Variants in MAST4 observed in about 807,000 individuals in gnomAD.
MAST4 encodes the protein microtubule associated serine/threonine kinase family member 4, also known as microtubule-associated serine/threonine-protein kinase 4.
Under a neutral mutation model 162.7 loss-of-function variants are expected in MAST4, and 89 were observed. The ratio of observed to expected loss-of-function variants is 0.55; its 90% CI spans 0.46 to 0.65. The LOEUF (loss-of-function observed/expected upper bound fraction) is 0.65. Ranked by LOEUF, MAST4 falls within the 30% of genes least tolerant of loss-of-function variation. The probability of loss-of-function intolerance (pLI) is 0.00; values close to 1 mark genes in which losing one functional copy is unlikely to be tolerated. For missense variants in MAST4, 3,153 were observed against 3,374.0 expected, an observed-to-expected ratio of 0.93 and a Z score of 1.62; for synonymous variants, 1,479 against 1,361.1, an observed-to-expected ratio of 1.09 and a Z score of -1.91.
At chr5:66,920,179 AC>A (rs1358914288) in intron 4 of MAST4, among the ~76,000 whole-genome samples, 4 of 152,162 alleles carry the variant, frequency 2.6e-5, no homozygotes, top group African/African-American at 9.7e-5. Flanking sequence ...TTCAGAGGTG[AC>A]AAATGATACA....
chr5:66,884,799 T>C (rs1304876960), intron 3 of MAST4, among the ~76,000 whole-genome samples: 1 of 152,234 alleles, frequency 6.6e-6, no homozygotes, highest in African/African-American at 2.4e-5. Context: ...ATATTACCTT[T>C]CTTTCCATGT....
chr5:66,609,208 A>G (rs978330899), intron 1 of MAST4, among the ~76,000 whole-genome samples: 2 of 151,978 alleles, frequency 1.3e-5, no homozygotes, highest in African/African-American at 4.8e-5. Flanking sequence ...TCCTAGACCA[A>G]CTACTTCTGA....
rs985685618 is a variant in MAST4, at chr5:67,051,692, G to GAT, written c.675-2703_675-2702dup. On this transcript the variant is annotated intron_variant, in intron 4 of 28. Transcript: ENST00000403625. ...GGTCCTAGGATTTTAAAAGTATTTAGATATATATATCAAGATATAGGTATT... is the reference window on the plus strand; with the variant it reads ...GGTCCTAGGATTTTAAAAGTATTTAGATATATATATATCAAGATATAGGTATT... 2.6e-5 allele frequency among the ~76,000 whole-genome samples: 4 copies of GAT among 152,110 alleles called. No individual in the cohort carries two copies. The South Asian group carries it at 6.2e-4, about 24-fold the overall frequency.
chr5:67,076,088 T>G (rs1268126572), intron 5 of MAST4, among the ~76,000 whole-genome samples: 3 of 152,124 alleles, frequency 2.0e-5, no homozygotes, highest in Non-Finnish European at 4.4e-5. Flanking sequence ...CAATGACCTC[T>G]TTCTGGGAAA....
At chr5:66,681,972 T>C (rs1748360226) in intron 1 of MAST4, among the ~76,000 whole-genome samples, 1 of 152,196 alleles carries the variant, frequency 6.6e-6, no homozygotes, top group African/African-American at 2.4e-5. Context: ...GACTGGTTAC[T>C]CCAGAGAAGG....
At chr5:66,988,150 G>T (rs868430139) in intron 4 of MAST4, among the ~76,000 whole-genome samples, 64 of 152,122 alleles carry the variant, frequency 4.2e-4, no homozygotes, top group African/African-American at 1.4e-3. Flanking sequence ...GTATACTTCA[G>T]CCACTAGAGG....
At chr5:67,022,367 C>T (rs1007922709) in intron 4 of MAST4, among the ~76,000 whole-genome samples, 4 of 150,926 alleles carry the variant, frequency 2.7e-5, no homozygotes, top group African/African-American at 7.3e-5. Flanking sequence ...TTGCATGGTA[C>T]ATTATTGCTA....
chr5:66,798,606 A>G (rs573527989), intron 3 of MAST4, among the ~76,000 whole-genome samples: 4 of 152,344 alleles, frequency 2.6e-5, no homozygotes, highest in Admixed American at 6.5e-5. Context: ...TTGAAGGTAC[A>G]TTACTGTTTT....
chr5:66,714,630 C>A (rs1183985929), intron 1 of MAST4, among the ~76,000 whole-genome samples: 1 of 152,252 alleles, frequency 6.6e-6, no homozygotes, highest in Non-Finnish European at 1.5e-5. Context: ...GAATTCCTTG[C>A]ATTTTCTTAA....
chr5:66,910,741 C>CTTTGTTTTTTTTTTT (rs1763690763), intron 4 of MAST4, among the ~76,000 whole-genome samples: 115 of 20,096 alleles, frequency 5.7e-3, no homozygotes, highest in South Asian at 0.011. Context: ...TTTTTTTTTT[C>CTTTGTTTTTTTTTTT]TTTTTTTTTT....
chr5:66,771,809 A>C (rs1754372241), intron 2 of MAST4, among the ~76,000 whole-genome samples: 1 of 150,596 alleles, frequency 6.6e-6, no homozygotes, highest in Non-Finnish European at 1.5e-5. Flanking sequence ...GATGAGGCGT[A>C]ATCATATTCC....
At chr5:66,846,110 G>A (rs1758836020) in intron 3 of MAST4, among the ~76,000 whole-genome samples, 1 of 152,160 alleles carries the variant, frequency 6.6e-6, no homozygotes, top group Non-Finnish European at 1.5e-5. Context: ...GAATTAATAA[G>A]TGACAGAGTC....
chr5:67,062,108 A>G (rs1331749597), intron 5 of MAST4, among the ~76,000 whole-genome samples: 1 of 152,182 alleles, frequency 6.6e-6, no homozygotes, highest in Admixed American at 6.5e-5. Flanking sequence ...TTCTCTTTAT[A>G]AGATGAGGCT....
At chr5:66,626,892 T>C (rs1341644307) in intron 1 of MAST4, among the ~76,000 whole-genome samples, 3 of 152,002 alleles carry the variant, frequency 2.0e-5, no homozygotes, top group Admixed American at 2.0e-4. Flanking sequence ...TAGGGAAAGC[T>C]GTGGGACCAA....
intron 1 of MAST4, among the ~76,000 whole-genome samples, chr5:66,626,866 T>G (rs936880790): frequency 3.0e-4 from 46 of 152,164 alleles, no homozygotes; most frequent in Admixed American, 2.9e-3. Flanking sequence ...CGAGGGATGT[T>G]TGGGGAGTCT....
intron 1 of MAST4, among the ~76,000 whole-genome samples, chr5:66,630,835 A>G (rs1744748903): frequency 6.6e-6 from 1 of 152,190 alleles, no homozygotes. Context: ...ATAGATTTCT[A>G]GATAATTAAA....
chr5:67,006,027 T>C (rs1481362810), intron 4 of MAST4, among the ~76,000 whole-genome samples: 1 of 152,268 alleles, frequency 6.6e-6, no homozygotes, highest in East Asian at 1.9e-4. Context: ...TTCGTTCTTT[T>C]TGGTTATACC....
Position 67,152,766 on chromosome 5 carries a change from T to C in MAST4, c.3425T>C (p.Ile1142Thr), listed in dbSNP as rs748456473. The change falls in exon 25 of 29, where the codon ATT becomes ACT. Residue 1142 changes from isoleucine (I) to threonine (T), a missense_variant. Physicochemically the swap from Ile to Thr is moderately conservative, Grantham distance 89 (BLOSUM62 -1). This residue lies in a region of MAST4 where 619 missense variants were observed against 744.2 expected (regional missense o/e 0.83). Coordinates refer to ENST00000403625, the MANE Select transcript of MAST4 (RefSeq NM_001164664.2). Reference sequence around the variant, plus strand: ...GCTTCTGCCAGTCCACATCAGCCGATTGTGATCCACAGTTCGGGGAAGAAC... The same window carrying C: ...GCTTCTGCCAGTCCACATCAGCCGACTGTGATCCACAGTTCGGGGAAGAAC... ...SAASASPHQP[I>T]VIHSSGKNYG... 1.6e-5 allele frequency: 26 copies of C among 1,613,956 alleles called. No homozygotes were observed. Among genetic ancestry groups the C allele is most frequent in the South Asian group, 9.9e-5 (9 of 91,090 alleles).
At chr5:66,613,563 C>G (rs1743440065) in intron 1 of MAST4, among the ~76,000 whole-genome samples, 1 of 152,100 alleles carries the variant, frequency 6.6e-6, no homozygotes, top group African/African-American at 2.4e-5. Context: ...AGTAGAGCCC[C>G]CTACATGGGT....
Sources: allele counts gnomAD v4.1 joint callset (sites outside exome capture counted in the v4.1 genomes callset), GRCh38; gene constraint gnomAD v4.1.1; regional missense constraint gnomAD v4.1.1; transcripts MANE v1.5; gene names NCBI Gene and HGNC (gene_info 2026-07-23, HGNC 2026-07-21).